Variants in ALOX5AP observed in about 807,000 individuals in gnomAD.
The protein encoded by ALOX5AP is arachidonate 5-lipoxygenase-activating protein.
Under a neutral mutation model 18.5 loss-of-function variants are expected in ALOX5AP, and 9 were observed. The ratio of observed to expected loss-of-function variants is 0.49; its 90% CI spans 0.29 to 0.85. ALOX5AP has a LOEUF of 0.85. Ranked by LOEUF, ALOX5AP falls within the 40% of genes least tolerant of loss-of-function variation. The probability of loss-of-function intolerance (pLI) is 0.08; values close to 1 mark genes in which losing one functional copy is unlikely to be tolerated. For missense variants in ALOX5AP, 172 were observed against 202.5 expected, an observed-to-expected ratio of 0.85 and a Z score of 0.91; for synonymous variants, 81 against 78.6, an observed-to-expected ratio of 1.03 and a Z score of -0.16.
At chr13:30,741,654 C>G (rs1158285101) in intron 1 of ALOX5AP, among the ~76,000 whole-genome samples, 1 of 150,668 alleles carries the variant, frequency 6.6e-6, no homozygotes, top group Non-Finnish European at 1.5e-5. Context: ...GGTGATCTAC[C>G]CGCTTCAGCC....
At chr13:30,750,145 C>T (rs1447046971) in intron 2 of ALOX5AP, among the ~76,000 whole-genome samples, 2 of 152,092 alleles carry the variant, frequency 1.3e-5, no homozygotes, top group African/African-American at 2.4e-5. Context: ...AACATGTTCT[C>T]GATGCTGCTG....
At chr13:30,737,421 G>A (rs969935513) in intron 1 of ALOX5AP, among the ~76,000 whole-genome samples, 3 of 152,200 alleles carry the variant, frequency 2.0e-5, no homozygotes, top group Non-Finnish European at 4.4e-5. Flanking sequence ...GTGAGATTTC[G>A]AATTCTTTTT....
chr13:30,716,821 T>C (rs989162736), intron 1 of ALOX5AP, among the ~76,000 whole-genome samples: 6 of 152,214 alleles, frequency 3.9e-5, no homozygotes, highest in African/African-American at 1.4e-4. Flanking sequence ...GGTTGTGATC[T>C]CTTATAGGGA....
intron 1 of ALOX5AP, among the ~76,000 whole-genome samples, chr13:30,725,854 G>A (rs185490288): frequency 2.0e-5 from 3 of 152,266 alleles, no homozygotes; most frequent in South Asian, 4.2e-4. Context: ...TGAAGCAGGT[G>A]GCCAGATTAG....
chr13:30,743,508 C>T (rs981149912), intron 1 of ALOX5AP, among the ~76,000 whole-genome samples: 4 of 152,030 alleles, frequency 2.6e-5, no homozygotes, highest in African/African-American at 9.7e-5. Context: ...ATCCCATTCC[C>T]TCCCCAGTGC....
At chr13:30,729,092 C>T (rs1254080925) in intron 1 of ALOX5AP, among the ~76,000 whole-genome samples, 2 of 152,008 alleles carry the variant, frequency 1.3e-5, no homozygotes, top group Admixed American at 6.6e-5. Flanking sequence ...TCTTCTTTAG[C>T]AAAATATATG....
chr13:30,741,831 G>GTTTT (rs770976174), intron 1 of ALOX5AP, among the ~76,000 whole-genome samples: 2,445 of 133,894 alleles, frequency 0.018, 70 homozygotes, highest in African/African-American at 0.043. Flanking sequence ...ATGGTTTTCT[G>GTTTT]TTTTTTTTTT....
chr13:30,752,623 A>G (rs1951861783), intron 3 of ALOX5AP, among the ~76,000 whole-genome samples: 1 of 152,182 alleles, frequency 6.6e-6, no homozygotes, highest in Admixed American at 6.5e-5. Flanking sequence ...AAGACAAATC[A>G]ACTTCCAGAG....
At chr13:30,739,424 TAAAG>T (rs1951745502) in intron 1 of ALOX5AP, among the ~76,000 whole-genome samples, 1 of 152,172 alleles carries the variant, frequency 6.6e-6, no homozygotes, top group South Asian at 2.1e-4. Context: ...TGCAAGTGAA[TAAAG>T]ATATATATAT....
intron 1 of ALOX5AP, among the ~76,000 whole-genome samples, chr13:30,715,465 C>T (rs1186922019): frequency 3.9e-5 from 6 of 152,188 alleles, no homozygotes; most frequent in Admixed American, 6.5e-5. Flanking sequence ...CAAGGTTATC[C>T]GCATGCCCTT....
At chr13:30,740,295 C>A (rs1417279032) in intron 1 of ALOX5AP, among the ~76,000 whole-genome samples, 4 of 152,206 alleles carry the variant, frequency 2.6e-5, no homozygotes, top group Non-Finnish European at 5.9e-5. Flanking sequence ...TGTTGAGAAA[C>A]TTATTTAACT....
At chr13:30,718,409 A>G (rs1398285334) in intron 1 of ALOX5AP, among the ~76,000 whole-genome samples, 1 of 148,640 alleles carries the variant, frequency 6.7e-6, no homozygotes, top group Admixed American at 6.7e-5. Flanking sequence ...ATATATATGC[A>G]TATCTATAAT....
At chr13:30,732,212 C>T (rs1951687216), upstream of ALOX5AP, among the ~76,000 whole-genome samples, 1 of 152,166 alleles carries the variant, frequency 6.6e-6, no homozygotes, top group Admixed American at 6.5e-5. Context: ...CCTTCTAAAG[C>T]GCGAATGGCT....
At chr13:30,737,636 C>A (rs4293222) in intron 1 of ALOX5AP, among the ~76,000 whole-genome samples, 1 of 151,878 alleles carries the variant, frequency 6.6e-6, no homozygotes, top group Non-Finnish European at 1.5e-5. Context: ...TAGAATGGAC[C>A]AGCTGGGAGC....
chr13:30,743,578 C>A (rs769518291), intron 1 of ALOX5AP, among the ~76,000 whole-genome samples: 4 of 152,000 alleles, frequency 2.6e-5, no homozygotes, highest in Non-Finnish European at 5.9e-5. Context: ...TACCCTGAAC[C>A]TTTGCATATT....
At chr13:30,763,272 C>A (rs746109481) in intron 4 of ALOX5AP, among the ~76,000 whole-genome samples, 1 of 152,242 alleles carries the variant, frequency 6.6e-6, no homozygotes, top group Non-Finnish European at 1.5e-5. Flanking sequence ...TGCACCACTG[C>A]ACTCCAGCTT....
At chr13:30,735,505 T>C, upstream of ALOX5AP, 1 of 1,555,918 alleles carries the variant, frequency 6.4e-7, no homozygotes, top group Non-Finnish European at 8.7e-7. Context: ...CTTCAGAAAT[T>C]GTAATGATGA....
intron 1 of ALOX5AP, among the ~76,000 whole-genome samples, chr13:30,725,777 G>A (rs567965359): frequency 5.3e-5 from 8 of 152,298 alleles, no homozygotes; most frequent in Non-Finnish European, 1.2e-4. Context: ...TCTGACCAAG[G>A]AAGTAATCTT....
chr13:30,758,961 G>A (rs1951918902), intron 4 of ALOX5AP, among the ~76,000 whole-genome samples: 1 of 152,056 alleles, frequency 6.6e-6, no homozygotes, highest in East Asian at 1.9e-4. Context: ...GAGACTACAG[G>A]TGTGCACTAC....
Sources: allele counts gnomAD v4.1 joint callset (sites outside exome capture counted in the v4.1 genomes callset), GRCh38; gene constraint gnomAD v4.1.1; transcripts MANE v1.5; gene names NCBI Gene and HGNC (gene_info 2026-07-23, HGNC 2026-07-21).